USP34: variants seen among roughly 807,000 people sequenced by gnomAD.
The protein encoded by USP34 is ubiquitin specific peptidase 34.
A neutral mutation model predicts 460.3 loss-of-function variants in USP34; 70 were observed. The ratio of observed to expected loss-of-function variants is 0.15; its 90% confidence interval spans 0.13 to 0.19. USP34 has a LOEUF of 0.19. USP34 is among the 10% of genes least tolerant of loss of function. USP34 has a pLI of 1.00. For missense variants in USP34, 3,985 were observed against 4,236.2 expected (o/e 0.94, Z 1.65); for synonymous variants, 1,647 against 1,405.3 (o/e 1.17, Z -3.85).
chr2:61,371,901 G>A (rs1233370204), intron 8 of USP34, among the ~76,000 whole-genome samples: 1 of 152,088 alleles, frequency 6.6e-6, no homozygotes, highest in Non-Finnish European at 1.5e-5. Flanking sequence ...AATGCCCACA[G>A]AATTAAGTAC....
At chr2:61,259,841 C>T in intron 43 of USP34, 65 bp from the exon 44 acceptor site, 1 of 1,495,288 alleles carries the variant, frequency 6.7e-7, no homozygotes, top group Non-Finnish European at 9.2e-7. Context: ...GGCATTCTAG[C>T]AAAGAAAGTC....
chr2:61,321,949 C>T (rs1558528916), intron 21 of USP34, among the ~76,000 whole-genome samples: 1 of 152,108 alleles, frequency 6.6e-6, no homozygotes, highest in Non-Finnish European at 1.5e-5. Context: ...AAAAAGGAGG[C>T]CGGGCACGGT....
chr2:61,305,493 C>G (rs1396600279), intron 27 of USP34, among the ~76,000 whole-genome samples: 4 of 151,672 alleles, frequency 2.6e-5, no homozygotes, highest in Non-Finnish European at 5.9e-5. Context: ...CACTCACACA[C>G]AAAAAAACAA....
chr2:61,247,250 T>C (rs1688440712), intron 49 of USP34, among the ~76,000 whole-genome samples: 1 of 152,156 alleles, frequency 6.6e-6, no homozygotes, highest in African/African-American at 2.4e-5. Flanking sequence ...GAATACAGAA[T>C]AAGGAAATGA....
intron 24 of USP34, 40 bp downstream of exon 24, chr2:61,314,835 C>A (rs375872022): frequency 4.4e-6 from 7 of 1,599,098 alleles, no homozygotes; most frequent in Non-Finnish European, 6.0e-6. Context: ...AACACCCTCA[C>A]ATAGAAATTA....
At chr2:61,265,886 AGTGT>A in intron 42 of USP34, 94 bp downstream of exon 42, 2 of 1,132,292 alleles carry the variant, frequency 1.8e-6, no homozygotes, top group East Asian at 5.0e-5. Flanking sequence ...ATAATGTTAA[AGTGT>A]GTGAAGAGCA....
At chr2:61,374,969 T>C (rs533935764) in intron 8 of USP34, among the ~76,000 whole-genome samples, 63 of 152,246 alleles carry the variant, frequency 4.1e-4, no homozygotes, top group African/African-American at 1.4e-3. Context: ...TAGACATCTA[T>C]AGAACACCCC....
chr2:61,468,931 A>C lies in USP34; in HGVS notation c.43+1719T>G, dbSNP rs1052493388. 2.0e-5 allele frequency among the ~76,000 whole-genome samples: 3 copies of C among 152,200 alleles called. No individual in the cohort carries two copies. In the East Asian group the frequency reaches 5.8e-4, roughly 29 times the overall value. ...AGTTTAAGATATTTTAAAATCAGCC[A>C]GGCGCAGTGGCTCACGCCTGTAATC... is the stretch of plus-strand genomic sequence containing the variant. On this transcript the variant is annotated intron_variant, in intron 1 of 79. Coordinates refer to ENST00000398571, the MANE Select transcript of USP34 (RefSeq NM_014709.4).
intron 34 of USP34, among the ~76,000 whole-genome samples, chr2:61,287,185 T>G (rs1039386727): frequency 3.9e-5 from 6 of 152,236 alleles, no homozygotes; most frequent in African/African-American, 7.2e-5. Flanking sequence ...AAAGGAAATC[T>G]GCTTCAGGTT....
chr2:61,293,435 A>C, intron 33 of USP34, 29 bp downstream of exon 33: 1 of 1,557,126 alleles, frequency 6.4e-7, no homozygotes, highest in South Asian at 1.2e-5. Flanking sequence ...AACTACTGTA[A>C]CTAGTTGAAA....
At chr2:61,457,254 C>T (rs747379272) in intron 1 of USP34, among the ~76,000 whole-genome samples, 5 of 152,080 alleles carry the variant, frequency 3.3e-5, no homozygotes, top group African/African-American at 7.2e-5. Flanking sequence ...CTAGACTGGG[C>T]GACAGAGCAA....
At chr2:61,380,491 CCT>C in intron 6 of USP34, 130 bp from the exon 7 acceptor site, 1 of 861,170 alleles carries the variant, frequency 1.2e-6, no homozygotes, top group South Asian at 2.0e-5. Context: ...CTCTGGTTTT[CCT>C]CTCAGGCCCT....
At chr2:61,361,141 T>C in intron 10 of USP34, among the ~76,000 whole-genome samples, 1 of 152,182 alleles carries the variant, frequency 6.6e-6, no homozygotes, top group East Asian at 1.9e-4. Flanking sequence ...CCAGGTGCAG[T>C]GGCTCACACA....
At chr2:61,358,775 G>C (rs1331251890) in intron 10 of USP34, among the ~76,000 whole-genome samples, 1 of 152,040 alleles carries the variant, frequency 6.6e-6, no homozygotes, top group Non-Finnish European at 1.5e-5. Context: ...CAAGTTGCAA[G>C]GAACAAGATC....
intron 42 of USP34, 137 bp from the exon 43 acceptor site, chr2:61,265,694 TA>T (rs147338129): frequency 0.13 from 95,222 of 760,028 alleles, 6,971 homozygotes; most frequent in African/African-American, 0.23. Context: ...ATTTTTTAAA[TA>T]AAAAAAAATA....
chr2:61,316,966 C>A (rs1254828548), intron 23 of USP34, among the ~76,000 whole-genome samples: 1 of 152,102 alleles, frequency 6.6e-6, no homozygotes, highest in East Asian at 1.9e-4. Flanking sequence ...CTAAGAGATA[C>A]AAGTATTCTT....
intron 2 of USP34, among the ~76,000 whole-genome samples, chr2:61,413,067 TAA>T (rs1255253855): frequency 6.6e-6 from 1 of 152,042 alleles, no homozygotes; most frequent in Non-Finnish European, 1.5e-5. Context: ...TGAGGAGGGA[TAA>T]AGATTCTAAA....
chr2:61,357,428 A>C (rs1227998457), intron 10 of USP34, among the ~76,000 whole-genome samples: 2 of 152,218 alleles, frequency 1.3e-5, no homozygotes, highest in African/African-American at 2.4e-5. Flanking sequence ...TGTTCAGAGG[A>C]AAATTTTATT....
chr2:61,451,364 C>G (rs1695270950), intron 1 of USP34, among the ~76,000 whole-genome samples: 1 of 151,560 alleles, frequency 6.6e-6, no homozygotes, highest in Non-Finnish European at 1.5e-5. Context: ...AATAGGCCTC[C>G]AAGAATATAC....
Sources: allele counts gnomAD v4.1 joint callset (sites outside exome capture counted in the v4.1 genomes callset), GRCh38; gene constraint gnomAD v4.1.1; transcripts MANE v1.5; gene names NCBI Gene and HGNC (gene_info 2026-07-23, HGNC 2026-07-21).